OSBP2: variants seen among roughly 807,000 people sequenced by gnomAD.
OSBP2 encodes oxysterol binding protein 2.
A neutral mutation model predicts 96.0 loss-of-function variants in OSBP2; 66 were observed. That is an observed-to-expected ratio of 0.69 (90% CI 0.56 to 0.84). The LOEUF is 0.84. Among genes scored for constraint, OSBP2 ranks in the 40% least tolerant of loss-of-function variants. OSBP2 has a pLI of 0.00. For synonymous variants in OSBP2, 525 were observed against 520.9 expected, an observed-to-expected ratio of 1.01 and a Z score of -0.11; for missense variants, 1,038 against 1,222.7, an observed-to-expected ratio of 0.85 and a Z score of 2.25.
chr22:30,743,759 G>A (rs2089968515), intron 2 of OSBP2, among the ~76,000 whole-genome samples: 1 of 152,198 alleles, frequency 6.6e-6, no homozygotes, highest in Non-Finnish European at 1.5e-5. Context: ...TGGCAGTCAT[G>A]GGATTAGTCA....
intron 2 of OSBP2, among the ~76,000 whole-genome samples, chr22:30,810,558 G>A (rs1164307990): frequency 1.3e-5 from 2 of 152,148 alleles, no homozygotes; most frequent in African/African-American, 4.8e-5. Flanking sequence ...CCACGGCCAT[G>A]AGCTTCAGCC....
At position 30,906,578 on chromosome 22, in the gene OSBP2, G is replaced by C. The variant is rs575603013; in HGVS notation, c.*239G>C. 836 of 417,118 alleles carry C rather than the reference G, an allele frequency of 2.0e-3. 3 individuals are homozygous for C. Among genetic ancestry groups the C allele is most frequent in the Non-Finnish European group, 3.1e-3 (742 of 240,072 alleles). The allele number at this position is 417,118 out of a possible 1,614,324, so 25.8% of individuals were successfully genotyped here. A position where few individuals can be genotyped will look rare whatever the true frequency, so the allele number is the denominator to read the frequency against. On this transcript the variant is annotated 3_prime_UTR_variant, in exon 14 of 14. Coordinates refer to ENST00000332585, the MANE Select transcript of OSBP2 (RefSeq NM_030758.4). The stretch of plus-strand genomic sequence containing the variant: ...GGGTCACCCGTGCCCCTTCATTATG[G>C]ACCTGGGCCCTACCGGAACCCCTGC...
chr22:30,819,602 A>G (rs2091123131), intron 2 of OSBP2, among the ~76,000 whole-genome samples: 1 of 152,240 alleles, frequency 6.6e-6, no homozygotes, highest in African/African-American at 2.4e-5. Flanking sequence ...ATTTTTAAGT[A>G]TTTCACATGA....
chr22:30,891,712 C>T (rs570070142), intron 8 of OSBP2, among the ~76,000 whole-genome samples: 2 of 151,468 alleles, frequency 1.3e-5, no homozygotes, highest in Admixed American at 6.6e-5. Flanking sequence ...GGTTTGCCGA[C>T]GCTTTGGATA....
rs1189080720 is a variant in OSBP2 at position 30,896,332 on chromosome 22, T to C, written c.2375+2331T>C. On this transcript the variant is annotated intron_variant, in intron 12 of 13. Transcript: ENST00000332585. ...ACCACACCCAGCCTAAAAGTTATTT[T>C]TTAAACAACTACTAGGATCAAAGAA... Among the ~76,000 whole-genome samples the C allele has an allele frequency of 3.3e-5, 5 of 152,134 alleles. No individual in the cohort carries two copies. In the East Asian group the frequency reaches 9.6e-4, roughly 29 times the overall value.
chr22:30,837,505 C>A (rs772784849), intron 2 of OSBP2, among the ~76,000 whole-genome samples: 76 of 152,194 alleles, frequency 5.0e-4, no homozygotes, highest in Non-Finnish European at 9.6e-4. Context: ...AGAGTCTGCA[C>A]TGTGTGAAGA....
chr22:30,848,203 G>A (rs2038910441), intron 2 of OSBP2, among the ~76,000 whole-genome samples: 1 of 152,044 alleles, frequency 6.6e-6, no homozygotes, highest in African/African-American at 2.4e-5. Context: ...CAGATGTTTT[G>A]CTATTGCAAA....
chr22:30,730,578 G>A (rs1027887319), intron 1 of OSBP2, among the ~76,000 whole-genome samples: 5 of 151,586 alleles, frequency 3.3e-5, no homozygotes, highest in Non-Finnish European at 7.4e-5. Flanking sequence ...GAATGCAGAA[G>A]GTTGGATGGG....
intron 2 of OSBP2, among the ~76,000 whole-genome samples, chr22:30,790,460 G>C (rs539687247): frequency 3.5e-4 from 53 of 152,194 alleles, no homozygotes; most frequent in African/African-American, 1.2e-3. Context: ...CTCCTCATTA[G>C]TCTTGGGAAT....
At chr22:30,737,738 A>C (rs1185544209) in intron 1 of OSBP2, among the ~76,000 whole-genome samples, 1 of 150,142 alleles carries the variant, frequency 6.7e-6, no homozygotes, top group Non-Finnish European at 1.5e-5. Flanking sequence ...TTTGAGATGG[A>C]GTCTCGCTCT....
intron 2 of OSBP2, among the ~76,000 whole-genome samples, chr22:30,867,358 C>G (rs144993604): frequency 6.6e-6 from 1 of 152,340 alleles, no homozygotes; most frequent in East Asian, 1.9e-4. Flanking sequence ...CTCTGTGTCT[C>G]ACCCCTACCT....
intron 2 of OSBP2, among the ~76,000 whole-genome samples, chr22:30,827,660 C>T (rs964800098): frequency 1.3e-5 from 2 of 152,158 alleles, no homozygotes; most frequent in Non-Finnish European, 2.9e-5. Flanking sequence ...AAGGAGTCAA[C>T]CTGTCAAGGC....
chr22:30,755,595 C>T (rs1244499905), intron 2 of OSBP2, among the ~76,000 whole-genome samples: 6 of 152,236 alleles, frequency 3.9e-5, no homozygotes, highest in African/African-American at 1.4e-4. Flanking sequence ...CATCTGGTGG[C>T]TGGATTGAGG....
At chr22:30,903,942 T>G (rs1382449128) in intron 12 of OSBP2, among the ~76,000 whole-genome samples, 1 of 152,240 alleles carries the variant, frequency 6.6e-6, no homozygotes, top group Non-Finnish European at 1.5e-5. Flanking sequence ...CGTATAGGAC[T>G]GTAGCTGTCT....
At chr22:30,867,879 C>T (rs2039377286) in intron 2 of OSBP2, among the ~76,000 whole-genome samples, 1 of 152,254 alleles carries the variant, frequency 6.6e-6, no homozygotes. Flanking sequence ...GGGCATACCC[C>T]CTCAAGGCCC....
At chr22:30,775,214 C>T (rs2090414514) in intron 2 of OSBP2, among the ~76,000 whole-genome samples, 1 of 152,174 alleles carries the variant, frequency 6.6e-6, no homozygotes, top group Non-Finnish European at 1.5e-5. Flanking sequence ...CTCTCTCAGC[C>T]TGTGGCAACC....
intron 2 of OSBP2, among the ~76,000 whole-genome samples, chr22:30,797,341 G>A (rs570744559): frequency 1.3e-5 from 2 of 152,244 alleles, no homozygotes; most frequent in South Asian, 4.1e-4. Flanking sequence ...GGAGTGCAGT[G>A]GCACAATCTT....
chr22:30,729,619 CAGAG>C (rs1602181591), intron 1 of OSBP2, among the ~76,000 whole-genome samples: 1 of 152,080 alleles, frequency 6.6e-6, no homozygotes, highest in South Asian at 2.1e-4. Flanking sequence ...GCCTGGGTGA[CAGAG>C]AGAGATTCTA....
intron 2 of OSBP2, among the ~76,000 whole-genome samples, chr22:30,837,737 G>A (rs576314183): frequency 4.6e-5 from 7 of 152,234 alleles, no homozygotes; most frequent in East Asian, 1.9e-4. Context: ...CCCAGGGTGC[G>A]ACAGGGTGAT....
Sources: allele counts gnomAD v4.1 joint callset (sites outside exome capture counted in the v4.1 genomes callset), GRCh38; gene constraint gnomAD v4.1.1; transcripts MANE v1.5; gene names NCBI Gene and HGNC (gene_info 2026-07-23, HGNC 2026-07-21).